The following PLCG1 variants were observed in gnomAD, a reference collection of about 807,000 sequenced individuals.
PLCG1 encodes 1-phosphatidylinositol 4,5-bisphosphate phosphodiesterase gamma-1.
Under a neutral mutation model 177.8 loss-of-function variants are expected in PLCG1, and 71 were observed. The observed-to-expected ratio is 0.40, with a 90% CI of 0.33 to 0.49. The LOEUF is 0.49. Ranked by LOEUF, PLCG1 falls within the 20% of genes least tolerant of loss-of-function variation. The pLI is 0.72. For synonymous variants in PLCG1, 658 were observed against 647.9 expected (o/e 1.02, Z -0.24); for missense variants, 1,281 against 1,709.0 (o/e 0.75, Z 4.42).
At chr20:41,170,788 G>C (rs1419480698) in intron 24 of PLCG1, 1 of 153,132 alleles carries the variant, frequency 6.5e-6, no homozygotes, top group African/African-American at 2.4e-5. Context: ...AGTGCCCTTT[G>C]GATTCAGCAG....
Position 41,174,335 on chromosome 20 carries a change from G to A in PLCG1, c.3833+24G>A, listed in dbSNP as rs1366546697. 7 of 1,609,226 alleles carry A rather than the reference G, an allele frequency of 4.3e-6. No homozygotes were observed. Among genetic ancestry groups the A allele is most frequent in the Non-Finnish European group, 6.0e-6 (7 of 1,175,848 alleles). ...AGGTGAGGAAGATGGAGGGGTGCTA[G>A]AGCCAGGAAGGCAGTGGCTAGGTCC... On this transcript the variant is annotated intron_variant, in intron 31 of 31. Coordinates refer to ENST00000685551, the MANE Select transcript of PLCG1 (RefSeq NM_002660.3). This position sits in a 1 kb window ranked among gnomAD's most constrained non-coding sequence, Gnocchi z 5.8.
At position 41,167,704 on chromosome 20, in the gene PLCG1, A is replaced by G. The variant is rs2035749167; in HGVS notation, c.2302-148A>G. 1.6e-6 allele frequency: 1 copy of G among 634,892 alleles called. No individual in the cohort carries two copies. The highest frequency in any genetic ancestry group is 2.8e-6 in the Non-Finnish European group (1 of 351,538). The allele number at this position is 634,892 out of a possible 1,614,324, so 39.3% of individuals were successfully genotyped here. A position where few individuals can be genotyped will look rare whatever the true frequency, so the allele number is the denominator to read the frequency against. On this transcript the variant is annotated intron_variant, in intron 19 of 31. Coordinates refer to ENST00000685551, the MANE Select transcript of PLCG1 (RefSeq NM_002660.3). This position sits in a 1 kb window ranked among gnomAD's most constrained non-coding sequence, Gnocchi z 4.4. ...GTGAGGCCGGGCCTGAGGCCTCTGA[A>G]GCCGTCTCTACTGAGGTCGAAGGAT...
rs200947807 is a variant in PLCG1 at position 41,166,823 on chromosome 20, C to T, written c.2265C>T (p.Pro755=). Reference sequence around the variant, plus strand: ...ACCGCAAGATGAAGCTGCGCTATCCCATCAACGAGGAGGCACTGGAGAAGA... The same window carrying T: ...ACCGCAAGATGAAGCTGCGCTATCCTATCAACGAGGAGGCACTGGAGAAGA... ...PLYRKMKLRY[P]INEEALEKIG... Residue 755 remains proline (P), a synonymous_variant, in exon 19 of 32, where the codon CCC becomes CCT. Coordinates refer to ENST00000685551, the MANE Select transcript of PLCG1 (RefSeq NM_002660.3). This position sits in a 1 kb window ranked among gnomAD's most constrained non-coding sequence, Gnocchi z 8.6. 1,916 of 1,614,152 alleles carry T rather than the reference C, an allele frequency of 1.2e-3. 37 individuals are homozygous for T. The South Asian group carries it at 0.019, about 16-fold the overall frequency.
In PLCG1 at chr20:41,160,323, CTGGTGGCCT is replaced by C. The variant is rs1568740872; in HGVS notation, c.512+176_512+184del. ...CGTGTAGCTTTCTGCACAAAGTCCT[CTGGTGGCCT>C]TGGTGTGAGCTGGTGAGAGGAGCCA... On this transcript the variant is annotated intron_variant, in intron 4 of 31. Coordinates refer to ENST00000685551, the MANE Select transcript of PLCG1 (RefSeq NM_002660.3). This position sits in a 1 kb window ranked among gnomAD's most constrained non-coding sequence, Gnocchi z 5.5. Among the ~76,000 whole-genome samples, 1 of 152,188 alleles carries C rather than the reference CTGGTGGCCT, an allele frequency of 6.6e-6. No individual in the cohort carries two copies. Among genetic ancestry groups the C allele is most frequent in the East Asian group, 1.9e-4 (1 of 5,192 alleles).
At chr20:41,158,195 A>AAG (rs2035382109) in intron 1 of PLCG1, among the ~76,000 whole-genome samples, 1 of 152,082 alleles carries the variant, frequency 6.6e-6, no homozygotes, top group Non-Finnish European at 1.5e-5. Context: ...ACAGGACAGG[A>AAG]AGAGAGCATC....
chr20:41,172,404 T>C lies in PLCG1; in HGVS notation c.2906-17T>C. 6.2e-7 allele frequency: 1 copy of C among 1,611,928 alleles called. No individual in the cohort carries two copies. Among genetic ancestry groups the C allele is most frequent in the Middle Eastern group, 1.7e-4 (1 of 6,058 alleles). ...TGGGTGGGCGGGCTCTGTAAGTGTT[T>C]TCCCTGTTTGGCCCAGAGATTGGCA... is the stretch of plus-strand genomic sequence containing the variant. On this transcript the variant is annotated splice_polypyrimidine_tract_variant and intron_variant, in intron 25 of 31. Transcript: ENST00000685551. This position sits in a 1 kb window ranked among gnomAD's most constrained non-coding sequence, Gnocchi z 7.0.
Position 41,173,711 on chromosome 20 carries a change from C to G in PLCG1, c.3454C>G (p.Pro1152Ala), listed in dbSNP as rs148020473. ...GCCCTTCCACTTCCAGATCAGTAAC[C>G]CTGAATTTGCCTTTCTGCGCTTCGT... ...AKPFHFQISN[P>A]EFAFLRFVVY... The change falls in exon 29 of 32, where the codon CCT becomes GCT. Residue 1152 changes from proline to alanine, a missense_variant. By Grantham distance (27) the Pro-to-Ala change is conservative (BLOSUM62 -1). This residue lies in a region of PLCG1 where 723 missense variants were observed against 1,030.0 expected (regional missense o/e 0.70). Coordinates refer to ENST00000685551, the MANE Select transcript of PLCG1 (RefSeq NM_002660.3). The surrounding 1 kb of genome is among the most constrained non-coding windows in gnomAD (Gnocchi z 6.2). 2.5e-6 allele frequency: 4 copies of G among 1,614,000 alleles called. No individual in the cohort carries two copies. The highest frequency in any genetic ancestry group is 3.4e-6 in the Non-Finnish European group (4 of 1,180,022).
rs35927516 is a variant in PLCG1 at position 41,167,083 on chromosome 20, G to C, written c.2301+224G>C. On this transcript the variant is annotated intron_variant, in intron 19 of 31. Coordinates refer to ENST00000685551, the MANE Select transcript of PLCG1 (RefSeq NM_002660.3). This position sits in a 1 kb window ranked among gnomAD's most constrained non-coding sequence, Gnocchi z 4.4. ...GATGGGGACAGGCACATAAGCAGAG[G>C]GTTCCTCATGAGTCAAGATGTGGAG... 2.6e-5 allele frequency among the ~76,000 whole-genome samples: 4 copies of C among 152,176 alleles called. No individual in the cohort carries two copies. The highest frequency in any genetic ancestry group is 2.6e-4 in the Admixed American group (4 of 15,286).
Position 41,147,084 on chromosome 20 carries a change from C to T in PLCG1, c.217+9226C>T, listed in dbSNP as rs892515361. ...CCACTTTATGGTCACCCTATTCTGC[C>T]TGATAGTCCACCACCTGTTTGGAGG... On this transcript the variant is annotated intron_variant, in intron 1 of 31. Coordinates refer to ENST00000685551, the MANE Select transcript of PLCG1 (RefSeq NM_002660.3). This position sits in a 1 kb window ranked among gnomAD's most constrained non-coding sequence, Gnocchi z 4.0. Among the ~76,000 whole-genome samples, 1 of 152,162 alleles carries T rather than the reference C, an allele frequency of 6.6e-6. No homozygotes were observed. The highest frequency in any genetic ancestry group is 1.9e-4 in the East Asian group (1 of 5,198).
In PLCG1 at chr20:41,173,630, C is replaced by G. The variant is rs201483460; in HGVS notation, c.3395-22C>G. 1.1e-4 allele frequency: 183 copies of G among 1,614,152 alleles called. No homozygotes were observed. Among genetic ancestry groups the G allele is most frequent in the Admixed American group, 2.2e-4 (13 of 60,024 alleles). Reference sequence around the variant, plus strand: ...CATCCTCTCCCACGGTGACCTGAAGCCTTTTGTCGTTGCCTTCACAGTGGA... The same window carrying G: ...CATCCTCTCCCACGGTGACCTGAAGGCTTTTGTCGTTGCCTTCACAGTGGA... On this transcript the variant is annotated intron_variant, in intron 28 of 31. Transcript: ENST00000685551. The surrounding 1 kb of genome is among the most constrained non-coding windows in gnomAD (Gnocchi z 6.2).
chr20:41,158,769 C>T (rs2035400701), intron 1 of PLCG1, among the ~76,000 whole-genome samples: 1 of 152,228 alleles, frequency 6.6e-6, no homozygotes, highest in Non-Finnish European at 1.5e-5. Flanking sequence ...TCACCCAGAG[C>T]TCGTGCATGT....
intron 1 of PLCG1, among the ~76,000 whole-genome samples, chr20:41,145,098 T>A (rs1433622374): frequency 6.6e-6 from 1 of 152,214 alleles, no homozygotes; most frequent in Non-Finnish European, 1.5e-5. Flanking sequence ...AAGAGGCTGC[T>A]CTGTCAGGGT....
At position 41,144,296 on chromosome 20, in the gene PLCG1, G is replaced by A. The variant is rs1037267232; in HGVS notation, c.217+6438G>A. 1.3e-5 allele frequency among the ~76,000 whole-genome samples: 2 copies of A among 152,210 alleles called. No individual in the cohort carries two copies. The highest frequency in any genetic ancestry group is 2.4e-5 in the African/African-American group (1 of 41,432). The stretch of plus-strand genomic sequence containing the variant: ...ATTCAGTTTATTCTCCCATTCTGGG[G>A]AAAATGATAATAGGATGGACCGTTC... On this transcript the variant is annotated intron_variant, in intron 1 of 31. Transcript: ENST00000685551. This position sits in a 1 kb window ranked among gnomAD's most constrained non-coding sequence, Gnocchi z 4.1.
rs778367537 is a variant in PLCG1, at chr20:41,163,471, C to G, written c.883C>G (p.Leu295Val). ...LREIEEPYFF[L>V]DEFVTFLFSK... ...AGAGATCGAGGAGCCATACTTCTTCCTGGATGAGGTGAGCCCGATGTTTCA... is the reference window on the plus strand; with the variant it reads ...AGAGATCGAGGAGCCATACTTCTTCGTGGATGAGGTGAGCCCGATGTTTCA... Residue 295 changes from leucine to valine, a missense_variant, in exon 9 of 32, where the codon CTG (leucine) becomes GTG (valine). This residue lies in a region of PLCG1 where 374 missense variants were observed against 443.8 expected (regional missense o/e 0.84). Transcript: ENST00000685551. This position sits in a 1 kb window ranked among gnomAD's most constrained non-coding sequence, Gnocchi z 5.2. The G allele has an allele frequency of 4.4e-6, 7 of 1,607,814 alleles. No individual in the cohort carries two copies. In the Admixed American group the frequency reaches 1.2e-4, roughly 27 times the overall value.
chr20:41,150,714 G>C lies in PLCG1; in HGVS notation c.218-8892G>C, dbSNP rs369771616. Among the ~76,000 whole-genome samples the C allele has an allele frequency of 5.1e-4, 77 of 152,268 alleles. 1 individual carries two copies. The highest frequency in any genetic ancestry group is 4.8e-3 in the East Asian group (25 of 5,194). Reference sequence around the variant, plus strand: ...CTGAATGCCCTGTTTGTGGAACTTAGTGGACTCCTGCACCTCTGTCTTGGT... The same window carrying C: ...CTGAATGCCCTGTTTGTGGAACTTACTGGACTCCTGCACCTCTGTCTTGGT... On this transcript the variant is annotated intron_variant, in intron 1 of 31. Transcript: ENST00000685551. This position sits in a 1 kb window ranked among gnomAD's most constrained non-coding sequence, Gnocchi z 4.0.
rs895421784 is a variant in PLCG1, at chr20:41,174,770, T to C, written c.*261T>C. 2 of 497,668 alleles carry C rather than the reference T, an allele frequency of 4.0e-6. No homozygotes were observed. The highest frequency in any genetic ancestry group is 1.9e-5 in the African/African-American group (1 of 51,362). The allele number at this position is 497,668 out of a possible 1,614,324, so 30.8% of individuals were successfully genotyped here. A position where few individuals can be genotyped will look rare whatever the true frequency, so the allele number is the denominator to read the frequency against. ...AGCACACACATCTGGCCCTGACTTC[T>C]GGAGATGGATCCTTCCATCTTGTGG... On this transcript the variant is annotated 3_prime_UTR_variant, in exon 32 of 32. Transcript: ENST00000685551. The surrounding 1 kb of genome is among the most constrained non-coding windows in gnomAD (Gnocchi z 5.8).
At position 41,144,926 on chromosome 20, in the gene PLCG1, G is replaced by A. The variant is rs1189620635; in HGVS notation, c.217+7068G>A. 2.6e-5 allele frequency among the ~76,000 whole-genome samples: 4 copies of A among 152,094 alleles called. No homozygotes were observed. The East Asian group carries it at 7.7e-4, about 29-fold the overall frequency. On this transcript the variant is annotated intron_variant, in intron 1 of 31. Coordinates refer to ENST00000685551, the MANE Select transcript of PLCG1 (RefSeq NM_002660.3). This position sits in a 1 kb window ranked among gnomAD's most constrained non-coding sequence, Gnocchi z 4.1. Reference sequence around the variant, plus strand: ...TCATTGAATAAGTGAGAGACGACTTGTGCTTCCCTGGCTTTAGACTCTGGC... The same window carrying A: ...TCATTGAATAAGTGAGAGACGACTTATGCTTCCCTGGCTTTAGACTCTGGC...
At position 41,167,835 on chromosome 20, in the gene PLCG1, T is replaced by C. The variant is rs753048814; in HGVS notation, c.2302-17T>C. The stretch of plus-strand genomic sequence containing the variant: ...GGCTCTGGGGCATTAACATATCCCA[T>C]TGTGTCCTGTTTCCAGGAGCCTGAC... On this transcript the variant is annotated splice_polypyrimidine_tract_variant and intron_variant, in intron 19 of 31. Transcript: ENST00000685551. This position sits in a 1 kb window ranked among gnomAD's most constrained non-coding sequence, Gnocchi z 4.4. 4 of 1,590,486 alleles carry C rather than the reference T, an allele frequency of 2.5e-6. No homozygotes were observed. In the South Asian group the frequency reaches 3.3e-5, roughly 13 times the overall value.
rs1327016768 is a variant in PLCG1 at position 41,177,174 on chromosome 20, C to T, written c.*2665C>T. 1 of 152,240 alleles carries T rather than the reference C, an allele frequency of 6.6e-6. No individual in the cohort carries two copies. The highest frequency in any genetic ancestry group is 1.5e-5 in the Non-Finnish European group (1 of 68,044). 9.4% of individuals were successfully genotyped at this position (152,240 alleles called of 1,614,324 possible). A position where few individuals can be genotyped will look rare whatever the true frequency, so the allele number is the denominator to read the frequency against. ...AGGCTCCTTGTTCTCCTGCCATCAC[C>T]AGTAGAACCTTCTGGCTGACAGACC... On this transcript the variant is annotated 3_prime_UTR_variant, in exon 32 of 32. Coordinates refer to ENST00000685551, the MANE Select transcript of PLCG1 (RefSeq NM_002660.3).
Sources: allele counts gnomAD v4.1 joint callset (sites outside exome capture counted in the v4.1 genomes callset), GRCh38; gene constraint gnomAD v4.1.1; regional missense constraint gnomAD v4.1.1; non-coding constraint Gnocchi (gnomAD v3.1); transcripts MANE v1.5; gene names NCBI Gene and HGNC (gene_info 2026-07-23, HGNC 2026-07-21).